Variants in EPB41L4B observed in about 807,000 individuals in gnomAD.
EPB41L4B encodes the protein erythrocyte membrane protein band 4.1 like 4B.
In EPB41L4B, 30 loss-of-function variants were observed where a neutral mutation model predicts 112.5. That is an observed-to-expected ratio of 0.27 (90% CI 0.20 to 0.36). EPB41L4B has a LOEUF of 0.36. Ranked by LOEUF, EPB41L4B falls within the 10% of genes least tolerant of loss-of-function variation. The pLI is 1.00. For synonymous variants in EPB41L4B, 408 were observed against 439.7 expected (o/e 0.93, Z 0.90); for missense variants, 1,024 against 1,133.3 (o/e 0.90, Z 1.38).
chr9:109,209,195 G>A (rs535853832), intron 17 of EPB41L4B, among the ~76,000 whole-genome samples: 2 of 152,082 alleles, frequency 1.3e-5, no homozygotes, highest in South Asian at 2.1e-4. Flanking sequence ...AGAGCAACTG[G>A]CCAGCTAATA....
intron 23 of EPB41L4B, among the ~76,000 whole-genome samples, chr9:109,183,365 C>T (rs1301595534): frequency 1.3e-5 from 2 of 152,128 alleles, no homozygotes; most frequent in Non-Finnish European, 2.9e-5. Flanking sequence ...CAGGGAAACC[C>T]GTGGAAGCAT....
In EPB41L4B at chr9:109,320,130, C is replaced by T. The variant is rs762888788; in HGVS notation, c.306+11G>A. On this transcript the variant is annotated intron_variant, in intron 1 of 25. Transcript: ENST00000374566. The stretch of plus-strand genomic sequence containing the variant: ...GAGGTGCCAGTGCCCCAGACTGGCC[C>T]CGTCACTCACCGGCAGGTCCACGCT... 4.1e-6 allele frequency: 6 copies of T among 1,448,234 alleles called. No individual in the cohort carries two copies. Among genetic ancestry groups the T allele is most frequent in the African/African-American group, 3.0e-5 (2 of 67,422 alleles). The allele number at this position is 1,448,234 out of a possible 1,614,324, so 89.7% of individuals were successfully genotyped here.
intron 15 of EPB41L4B, among the ~76,000 whole-genome samples, chr9:109,238,980 C>A (rs1834254568): frequency 6.6e-6 from 1 of 152,192 alleles, no homozygotes; most frequent in Admixed American, 6.5e-5. Flanking sequence ...GGGAATTCCA[C>A]TGAGAGGCCC....
At chr9:109,285,132 C>G (rs143795282) in intron 1 of EPB41L4B, among the ~76,000 whole-genome samples, 255 of 152,360 alleles carry the variant, frequency 1.7e-3, no homozygotes, top group African/African-American at 5.6e-3. Flanking sequence ...ACTCAAATGG[C>G]CCCAAATCCA....
intron 22 of EPB41L4B, among the ~76,000 whole-genome samples, chr9:109,188,318 C>G (rs1456210726): frequency 6.6e-6 from 1 of 152,130 alleles, no homozygotes; most frequent in African/African-American, 2.4e-5. Context: ...GAAGCAGGGA[C>G]TGAAGAGCAG....
intron 24 of EPB41L4B, among the ~76,000 whole-genome samples, chr9:109,177,673 A>T (rs1262584069): frequency 6.6e-6 from 1 of 151,814 alleles, no homozygotes; most frequent in East Asian, 2.0e-4. Context: ...AATACAAAAA[A>T]TCAGCCGGGC....
chr9:109,251,407 G>C, intron 13 of EPB41L4B, 74 bp downstream of exon 13: 1 of 1,441,836 alleles, frequency 6.9e-7, no homozygotes, highest in Non-Finnish European at 9.8e-7. Context: ...ACTGTAGTAA[G>C]GAAAAAGTCA....
chr9:109,182,925 G>C lies in EPB41L4B; in HGVS notation c.2419-128C>G, dbSNP rs1203014115. 11 of 675,056 alleles carry C rather than the reference G, an allele frequency of 1.6e-5. No individual in the cohort carries two copies. In the East Asian group the frequency reaches 2.4e-4, roughly 15 times the overall value. The allele number at this position is 675,056 out of a possible 1,614,324, so 41.8% of individuals were successfully genotyped here. On this transcript the variant is annotated intron_variant, in intron 23 of 25. Transcript: ENST00000374566. ...TGCCCCCGCAGAGCCTTCATCACTC[G>C]TGTAAGGGCACATACAAAGGGTCCC...
rs762659524 is a variant in EPB41L4B at position 109,279,818 on chromosome 9, G to A, written c.410C>T (p.Ala137Val). Residue 137 changes from alanine (A) to valine (V), a missense_variant and splice_region_variant, in exon 2 of 26, where the codon GCG becomes GTG. By Grantham distance (64) the Ala-to-Val change is moderately conservative. Coordinates refer to ENST00000374566, the MANE Select transcript of EPB41L4B (RefSeq NM_019114.5). ...GLQFLDSAQV[A>V]HWLDHAKPIK... is the part of the protein sequence containing the mutation. ...AAATGAATCAAAGCAATAACCTACC[G>A]CAACCTGGGCAGAGTCGAGGAACTG... 18 of 1,613,310 alleles carry A rather than the reference G, an allele frequency of 1.1e-5. No individual in the cohort carries two copies. Among genetic ancestry groups the A allele is most frequent in the South Asian group, 2.2e-5 (2 of 91,028 alleles).
chr9:109,210,953 T>C (rs528313636), intron 17 of EPB41L4B, among the ~76,000 whole-genome samples: 85 of 152,350 alleles, frequency 5.6e-4, no homozygotes, highest in African/African-American at 1.9e-3. Flanking sequence ...AAATAGTCCG[T>C]CTGTTTGGGG....
At chr9:109,247,844 T>C (rs1834619461) in intron 13 of EPB41L4B, 55 bp from the exon 14 acceptor site, 1 of 1,292,558 alleles carries the variant, frequency 7.7e-7, no homozygotes, top group South Asian at 1.6e-5. Flanking sequence ...GGTTGTAGAG[T>C]GGCATTATTA....
chr9:109,176,779 T>C, intron 24 of EPB41L4B, 83 bp from the exon 25 acceptor site: 2 of 1,485,610 alleles, frequency 1.3e-6, no homozygotes, highest in East Asian at 2.3e-5. Flanking sequence ...AGCCTTACTC[T>C]ACAGTTCCTG....
At chr9:109,314,289 A>G (rs1228308572) in intron 1 of EPB41L4B, among the ~76,000 whole-genome samples, 16 of 152,286 alleles carry the variant, frequency 1.1e-4, no homozygotes, top group Non-Finnish European at 2.9e-5. Context: ...ATTTTTTTCT[A>G]AGTCCCCACG....
At chr9:109,177,877 C>T (rs1035697813) in intron 24 of EPB41L4B, among the ~76,000 whole-genome samples, 2 of 151,718 alleles carry the variant, frequency 1.3e-5, no homozygotes, top group East Asian at 1.9e-4. Context: ...CTGTTGCCAT[C>T]AGTATATTTC....
At chr9:109,239,819 C>A in intron 15 of EPB41L4B, 1 of 985,358 alleles carries the variant, frequency 1.0e-6, no homozygotes, top group Non-Finnish European at 1.2e-6. Flanking sequence ...GCCTTCCTGC[C>A]AGGAAGAGCA....
At chr9:109,202,085 A>G (rs1308829765) in intron 19 of EPB41L4B, among the ~76,000 whole-genome samples, 1 of 152,142 alleles carries the variant, frequency 6.6e-6, no homozygotes, top group African/African-American at 2.4e-5. Context: ...TTGGTGACCA[A>G]TTAGATGAGG....
At chr9:109,256,605 A>C (rs1046641932) in intron 7 of EPB41L4B, 125 bp from the exon 8 acceptor site, 7 of 753,674 alleles carry the variant, frequency 9.3e-6, no homozygotes, top group Non-Finnish European at 1.5e-5. Context: ...AAATTATAGT[A>C]ATACAAAAAG....
intron 1 of EPB41L4B, among the ~76,000 whole-genome samples, chr9:109,314,997 C>CTAG (rs1031674098): frequency 1.3e-5 from 2 of 152,290 alleles, no homozygotes; most frequent in African/African-American, 4.8e-5. Flanking sequence ...CTGTGAGCTG[C>CTAG]TCTACCGTTG....
chr9:109,243,763 TC>T, intron 14 of EPB41L4B, 81 bp from the exon 15 acceptor site: 1 of 1,403,928 alleles, frequency 7.1e-7, no homozygotes, highest in Non-Finnish European at 1.0e-6. Context: ...GTTCCTGGCA[TC>T]CACCCGAGGG....
Sources: allele counts gnomAD v4.1 joint callset (sites outside exome capture counted in the v4.1 genomes callset), GRCh38; gene constraint gnomAD v4.1.1; transcripts MANE v1.5; gene names NCBI Gene and HGNC (gene_info 2026-07-23, HGNC 2026-07-21).